The following ATOSA variants were observed in gnomAD, a reference collection of about 807,000 sequenced individuals.
ATOSA encodes atos homolog protein A.
chr15:52,651,521 C>T, the ATOSA span, among the ~76,000 whole-genome samples: 2 of 152,088 alleles, frequency 1.3e-5, no homozygotes, highest in African/African-American at 4.8e-5. Context: ...TACCTCCTGC[C>T]CCCACATACA....
the ATOSA span, among the ~76,000 whole-genome samples, chr15:52,602,489 A>C: frequency 2.6e-5 from 4 of 152,124 alleles, no homozygotes; most frequent in Non-Finnish European, 5.9e-5. Context: ...TTGCTATAAA[A>C]ATAAATCCTC....
the ATOSA span, among the ~76,000 whole-genome samples, chr15:52,583,845 C>G: frequency 6.6e-6 from 1 of 151,990 alleles, no homozygotes; most frequent in Non-Finnish European, 1.5e-5. Flanking sequence ...ACAGAACAGG[C>G]AGAAGACTGA....
chr15:52,695,140 G>A, the ATOSA span, among the ~76,000 whole-genome samples: 1 of 152,004 alleles, frequency 6.6e-6, no homozygotes, highest in Non-Finnish European at 1.5e-5. Flanking sequence ...GGCCAGGCTG[G>A]TCTTGAACTC....
chr15:52,608,503 G>A, the ATOSA span: 2 of 1,488,200 alleles, frequency 1.3e-6, no homozygotes, highest in Non-Finnish European at 1.8e-6. Flanking sequence ...CAGATCTCCT[G>A]TGAACAAAAT....
At chr15:52,588,433 A>AATT in the ATOSA span, among the ~76,000 whole-genome samples, 2,663 of 151,826 alleles carry the variant, frequency 0.018, 79 homozygotes, top group African/African-American at 0.061. Context: ...TGTGATACTT[A>AATT]ATTATTATTA....
the ATOSA span, among the ~76,000 whole-genome samples, chr15:52,582,643 G>C: frequency 6.6e-6 from 1 of 152,120 alleles, no homozygotes; most frequent in Non-Finnish European, 1.5e-5. Flanking sequence ...TCACGTGGCA[G>C]TTCACTCACA....
chr15:52,694,329 G>A, the ATOSA span, among the ~76,000 whole-genome samples: 2 of 151,926 alleles, frequency 1.3e-5, no homozygotes, highest in Non-Finnish European at 2.9e-5. Flanking sequence ...ACCACATCTG[G>A]CTAATTCTGC....
chr15:52,609,724 T>G, the ATOSA span: 1 of 1,613,766 alleles, frequency 6.2e-7, no homozygotes, highest in Non-Finnish European at 8.5e-7. Context: ...CTCTTGAGTA[T>G]TAAATGGACG....
the ATOSA span, chr15:52,658,828 A>AAAAAAAG: frequency 2.6e-6 from 1 of 386,240 alleles, no homozygotes; most frequent in African/African-American, 2.1e-5. Context: ...AAAAAAAAAA[A>AAAAAAAG]GTTAAAAATC....
the ATOSA span, chr15:52,608,975 T>C: frequency 3.8e-5 from 61 of 1,612,348 alleles, no homozygotes; most frequent in Admixed American, 2.5e-4. Context: ...TGTTTGTCAA[T>C]AGTGGTGCAA....
the ATOSA span, chr15:52,584,689 C>T: frequency 6.9e-7 from 1 of 1,443,150 alleles, no homozygotes; most frequent in Non-Finnish European, 9.4e-7. Context: ...AAAAAAAAAA[C>T]TAAAAATTTT....
chr15:52,631,828 C>T, the ATOSA span, among the ~76,000 whole-genome samples: 1 of 152,158 alleles, frequency 6.6e-6, no homozygotes, highest in South Asian at 2.1e-4. Flanking sequence ...ACCTCAAACT[C>T]CTGGACTCAA....
chr15:52,613,684 T>C, the ATOSA span: 1 of 1,613,784 alleles, frequency 6.2e-7, no homozygotes, highest in South Asian at 1.1e-5. Context: ...TGGGCCAGCT[T>C]GTCACTACAT....
chr15:52,617,644 T>C, the ATOSA span, among the ~76,000 whole-genome samples: 3 of 152,020 alleles, frequency 2.0e-5, no homozygotes, highest in Non-Finnish European at 4.4e-5. Flanking sequence ...TATAGCCTTA[T>C]TTTAAGCATG....
the ATOSA span, chr15:52,613,939 G>A: frequency 9.6e-7 from 1 of 1,036,492 alleles, no homozygotes; most frequent in Non-Finnish European, 1.5e-6. Flanking sequence ...AATAACTAAT[G>A]TCACATTACA....
chr15:52,585,412 A>G, the ATOSA span: 1 of 153,476 alleles, frequency 6.5e-6, no homozygotes, highest in Admixed American at 6.5e-5. Context: ...TAAAAATACA[A>G]GCTCTGTAAA....
the ATOSA span, among the ~76,000 whole-genome samples, chr15:52,660,319 G>C: frequency 1.3e-5 from 2 of 152,086 alleles, no homozygotes; most frequent in South Asian, 2.1e-4. Flanking sequence ...AAGAAATGAG[G>C]GAAGCACAAA....
chr15:52,611,544 G>T, the ATOSA span: 1 of 1,601,876 alleles, frequency 6.2e-7, no homozygotes, highest in South Asian at 1.1e-5. Flanking sequence ...GATTTACCAA[G>T]AACAACTTTG....
At chr15:52,675,832 G>A in the ATOSA span, among the ~76,000 whole-genome samples, 2 of 152,096 alleles carry the variant, frequency 1.3e-5, no homozygotes, top group African/African-American at 2.4e-5. Flanking sequence ...CGTGAACCCG[G>A]GAGGCGGAGC....
Sources: gnomAD v4.1 joint callset for allele counts (sites outside exome capture counted in the v4.1 genomes callset) on GRCh38, gnomAD v4.1.1 for gene constraint, MANE v1.5 for transcripts, NCBI Gene and HGNC (gene_info 2026-07-23, HGNC 2026-07-21) for gene names.